VCPKMT: variants seen among roughly 807,000 people sequenced by gnomAD.
The protein encoded by VCPKMT is valosin containing protein lysine methyltransferase.
Under a neutral mutation model 28.6 loss-of-function variants are expected in VCPKMT, and 32 were observed. That is an observed-to-expected ratio of 1.12 (90% CI 0.84 to 1.50). VCPKMT has a LOEUF of 1.50. VCPKMT is among the 40% of genes most tolerant of loss of function. The pLI, the probability that VCPKMT is intolerant of heterozygous loss-of-function variation, is 0.00. For missense variants in VCPKMT, 366 were observed against 285.0 expected (o/e 1.28, Z -2.05); for synonymous variants, 138 against 111.4 (o/e 1.24, Z -1.50).
intron 3 of VCPKMT, among the ~76,000 whole-genome samples, chr14:50,115,628 C>A (rs1454800235): frequency 6.6e-6 from 1 of 152,212 alleles, no homozygotes; most frequent in Non-Finnish European, 1.5e-5. Flanking sequence ...ATGCATATAA[C>A]ACTTTTCTCA....
In VCPKMT at chr14:50,109,198, G is replaced by C; in HGVS notation, c.*501C>G. ...TTTCAGTATTAAAGATATTTTAAAAGAAATGAAGTGGAAAATACAAATGAT... is the reference window on the plus strand; with the variant it reads ...TTTCAGTATTAAAGATATTTTAAAACAAATGAAGTGGAAAATACAAATGAT... On this transcript the variant is annotated 3_prime_UTR_variant, in exon 6 of 6. Coordinates refer to ENST00000395860, the MANE Select transcript of VCPKMT (RefSeq NM_024558.3). 2 of 891,332 alleles carry C rather than the reference G, an allele frequency of 2.2e-6. No homozygotes were observed. The highest frequency in any genetic ancestry group is 2.7e-6 in the Non-Finnish European group (2 of 744,028). 55.2% of individuals were successfully genotyped at this position (891,332 alleles called of 1,614,324 possible).
chr14:50,114,352 C>A lies in VCPKMT; in HGVS notation c.503G>T (p.Cys168Phe). 6.3e-7 allele frequency: 1 copy of A among 1,590,972 alleles called. No individual in the cohort carries two copies. Among genetic ancestry groups the A allele is most frequent in the Admixed American group, 1.8e-5 (1 of 56,016 alleles). ...TCGTTGTTCATAACAACATATAATA[C>A]AAGTTTCAAATCCGCTGATATCTTT... ...TLKDISGFET[C>F]IICCYEQRTM... is the part of the protein sequence containing the mutation. The change falls in exon 4 of 6, where the codon TGT becomes TTT. Residue 168 changes from cysteine to phenylalanine, a missense_variant. Cys to Phe is a radical substitution (Grantham distance 205, BLOSUM62 -2). Transcript: ENST00000395860.
chr14:50,103,743 T>C (rs1882231149), downstream of VCPKMT, among the ~76,000 whole-genome samples: 1 of 152,198 alleles, frequency 6.6e-6, no homozygotes, highest in Admixed American at 6.5e-5. Flanking sequence ...TGTGTAACAA[T>C]GTTCTCAACT....
rs1215135399 is a variant in VCPKMT at position 50,109,613 on chromosome 14, A to C, written c.*86T>G. 4.0e-6 allele frequency: 6 copies of C among 1,494,172 alleles called. No individual in the cohort carries two copies. Among genetic ancestry groups the C allele is most frequent in the Non-Finnish European group, 5.3e-6 (6 of 1,125,734 alleles). 92.6% of individuals were successfully genotyped at this position (1,494,172 alleles called of 1,614,324 possible). ...GCCGGAAAAAAAAATCTGTGAACAC[A>C]ATCTTCCCATGCTGTATTCACATGC... is the stretch of plus-strand genomic sequence containing the variant. On this transcript the variant is annotated 3_prime_UTR_variant, in exon 6 of 6. Coordinates refer to ENST00000395860, the MANE Select transcript of VCPKMT (RefSeq NM_024558.3).
downstream of VCPKMT, among the ~76,000 whole-genome samples, chr14:50,104,427 G>C (rs1882255944): frequency 6.6e-6 from 1 of 152,078 alleles, no homozygotes; most frequent in Non-Finnish European, 1.5e-5. Context: ...TAAAAACTTA[G>C]CTTTTCCATT....
chr14:50,109,709 A>G lies in VCPKMT; in HGVS notation c.680T>C (p.Phe227Ser), dbSNP rs570894439. ...AGATGATTAAAGGCTTCACGATGGA[A>G]ATTTCTATAACAAAAAAAAAGGAAA... is the stretch of plus-strand genomic sequence containing the variant. ...IIYIRKKKSKFPS is the reference protein window; with the variant it reads ...IIYIRKKKSKSPS Residue 227 changes from phenylalanine (F) to serine (S), a missense_variant, in exon 6 of 6, where the codon TTT (phenylalanine) becomes TCT (serine). Phe to Ser is a radical substitution (Grantham distance 155). Coordinates refer to ENST00000395860, the MANE Select transcript of VCPKMT (RefSeq NM_024558.3). 3.7e-6 allele frequency: 6 copies of G among 1,601,180 alleles called. No homozygotes were observed. The East Asian group carries it at 1.1e-4, about 30-fold the overall frequency.
chr14:50,111,839 A>C, intron 5 of VCPKMT: 1 of 899,732 alleles, frequency 1.1e-6, no homozygotes, highest in Non-Finnish European at 1.3e-6. Context: ...CAGCAAGCCG[A>C]GATTGCACCA....
intron 4 of VCPKMT, chr14:50,113,617 A>C (rs1452032647): frequency 2.0e-5 from 3 of 152,050 alleles, no homozygotes; most frequent in African/African-American, 7.2e-5. Flanking sequence ...AAAAAACAAA[A>C]AAAAAGACCC....
chr14:50,103,605 C>G, the VCPKMT span, among the ~76,000 whole-genome samples: 3 of 152,086 alleles, frequency 2.0e-5, no homozygotes, highest in Non-Finnish European at 4.4e-5. Flanking sequence ...TTGCTCTGTC[C>G]CTATTGGCCT....
Position 50,112,672 on chromosome 14 carries a change from A to G in VCPKMT, c.618T>C (p.His206=). 6.3e-7 allele frequency: 1 copy of G among 1,576,974 alleles called. No individual in the cohort carries two copies. Among genetic ancestry groups the G allele is most frequent in the Non-Finnish European group, 8.6e-7 (1 of 1,158,184 alleles). The change falls in exon 5 of 6, where the codon CAT becomes CAC. Residue 206 remains histidine, a synonymous_variant. Transcript: ENST00000395860. ...FDFEKIPLEK[H]DEEYRSEDIH... is the part of the protein sequence containing the mutation. The stretch of plus-strand genomic sequence containing the variant: ...TATCTTCACTTCGATACTCTTCATC[A>G]TGTTTTTCCAAAGGAATTTTTTCAA...
chr14:50,110,669 T>A (rs907028201), intron 5 of VCPKMT, among the ~76,000 whole-genome samples: 1 of 152,236 alleles, frequency 6.6e-6, no homozygotes, highest in African/African-American at 2.4e-5. Context: ...AGTTCCCATA[T>A]AACCTTGCAG....
intron 3 of VCPKMT, among the ~76,000 whole-genome samples, chr14:50,115,353 T>TGTAG (rs1375462038): frequency 1.3e-5 from 2 of 152,156 alleles, no homozygotes; most frequent in African/African-American, 4.8e-5. Flanking sequence ...GGTTTTGCCA[T>TGTAG]GTAGGTCAGG....
At position 50,116,151 on chromosome 14, in the gene VCPKMT, CCT is replaced by C; in HGVS notation, c.293_294del (p.Glu98GlyfsTer11). The C allele has an allele frequency of 6.2e-7, 1 of 1,614,114 alleles. No homozygotes were observed. On this transcript the variant is annotated frameshift_variant, in exon 2 of 6. Coordinates refer to ENST00000395860, the MANE Select transcript of VCPKMT (RefSeq NM_024558.3). LOFTEE classifies it high-confidence loss of function. ...TTCATCTTCAGCAAGTCTTGCAATT[CCT>C]CAAGATCGGTGACTACAACATCAGC... ...LGADVVVTDLEELQDLLKMNI... is the reference protein window; with the variant it reads ...LGADVVVTDLXELQDLLKMNI...
downstream of VCPKMT, among the ~76,000 whole-genome samples, chr14:50,105,530 C>T (rs996715298): frequency 1.3e-5 from 2 of 152,132 alleles, no homozygotes; most frequent in East Asian, 3.9e-4. Context: ...ATTTCAGAGG[C>T]TGAGGCAGGA....
chr14:50,106,428 C>G, downstream of VCPKMT: 2 of 426,146 alleles, frequency 4.7e-6, no homozygotes, highest in Non-Finnish European at 6.3e-6. Flanking sequence ...TGAGCCCCAG[C>G]TAGTGGCATC....
chr14:50,109,188 T>C lies in VCPKMT; in HGVS notation c.*511A>G. On this transcript the variant is annotated 3_prime_UTR_variant, in exon 6 of 6. Coordinates refer to ENST00000395860, the MANE Select transcript of VCPKMT (RefSeq NM_024558.3). ...TAAAAGAACATTTCAGTATTAAAGA[T>C]ATTTTAAAAGAAATGAAGTGGAAAA... is the stretch of plus-strand genomic sequence containing the variant. 2.2e-6 allele frequency: 2 copies of C among 889,448 alleles called. No homozygotes were observed. The highest frequency in any genetic ancestry group is 1.2e-4 in the East Asian group (1 of 8,408). 55.1% of individuals were successfully genotyped at this position (889,448 alleles called of 1,614,324 possible).
rs1381092404 is a variant in VCPKMT at position 50,114,325 on chromosome 14, G to T, written c.530C>A (p.Thr177Lys). The T allele has an allele frequency of 2.5e-6, 4 of 1,587,518 alleles. No individual in the cohort carries two copies. The highest frequency in any genetic ancestry group is 2.6e-6 in the Non-Finnish European group (3 of 1,170,328). ...CTCAATTTCTGGATTTTTCCCCATT[G>T]TTCGTTGTTCATAACAACATATAAT... ...TCIICCYEQR[T>K]MGKNPEIEKK... The change falls in exon 4 of 6, where the codon ACA becomes AAA. Residue 177 changes from threonine to lysine, a missense_variant. Transcript: ENST00000395860.
downstream of VCPKMT, among the ~76,000 whole-genome samples, chr14:50,105,991 T>G (rs1293332833): frequency 1.3e-5 from 2 of 152,230 alleles, no homozygotes. Context: ...TGGTTTTTTG[T>G]CCGTATGTAC....
chr14:50,104,122 G>C (rs545459394), downstream of VCPKMT, among the ~76,000 whole-genome samples: 2 of 152,340 alleles, frequency 1.3e-5, no homozygotes, highest in Admixed American at 6.5e-5. Flanking sequence ...TCTGGTCTCA[G>C]AGCCTCTGTG....
Sources: gnomAD v4.1 joint callset for allele counts (sites outside exome capture counted in the v4.1 genomes callset) on GRCh38, gnomAD v4.1.1 for gene constraint, MANE v1.5 for transcripts, NCBI Gene and HGNC (gene_info 2026-07-23, HGNC 2026-07-21) for gene names.